The following KALRN variants were observed in gnomAD, a reference collection of about 807,000 sequenced individuals.
KALRN encodes the protein kalirin RhoGEF kinase.
In KALRN, 70 loss-of-function variants were observed where a neutral mutation model predicts 353.7. The ratio of observed to expected loss-of-function variants is 0.20; its 90% confidence interval spans 0.16 to 0.24. The LOEUF (loss-of-function observed/expected upper bound fraction) is 0.24, where lower values mean the gene tolerates loss of function less well. KALRN is among the 10% of genes least tolerant of loss of function. The probability of loss-of-function intolerance (pLI) is 1.00; values close to 1 mark genes in which losing one functional copy is unlikely to be tolerated. For synonymous variants in KALRN, 1,391 were observed against 1,434.8 expected, an observed-to-expected ratio of 0.97 and a Z score of 0.69; for missense variants, 2,791 against 3,756.7, an observed-to-expected ratio of 0.74 and a Z score of 6.72.
At chr3:124,524,319 C>T (rs1395121342) in intron 33 of KALRN, among the ~76,000 whole-genome samples, 2 of 152,136 alleles carry the variant, frequency 1.3e-5, no homozygotes, top group Non-Finnish European at 2.9e-5. Flanking sequence ...GAGAACTAGT[C>T]TGCGATTCTG....
At chr3:124,248,297 C>T (rs1032824939) in intron 3 of KALRN, among the ~76,000 whole-genome samples, 2 of 152,228 alleles carry the variant, frequency 1.3e-5, no homozygotes, top group African/African-American at 4.8e-5. Flanking sequence ...ATCTCTATTT[C>T]AGACATGAAG....
chr3:124,521,210 G>A (rs112015881), intron 33 of KALRN, among the ~76,000 whole-genome samples: 1 of 152,336 alleles, frequency 6.6e-6, no homozygotes, highest in Non-Finnish European at 1.5e-5. Flanking sequence ...TTTTCATAGG[G>A]ATTTGTTTAC....
chr3:124,048,648 A>C (rs1234500055), intron 1 of KALRN, among the ~76,000 whole-genome samples: 1 of 151,494 alleles, frequency 6.6e-6, no homozygotes, highest in Non-Finnish European at 1.5e-5. Flanking sequence ...CGCCCAGCTA[A>C]TTTTTTTTGT....
At chr3:124,105,159 A>C (rs1188762761) in intron 1 of KALRN, among the ~76,000 whole-genome samples, 1 of 152,212 alleles carries the variant, frequency 6.6e-6, no homozygotes, top group Non-Finnish European at 1.5e-5. Flanking sequence ...ATGTCAGAGA[A>C]AGCAACAGGG....
intron 1 of KALRN, among the ~76,000 whole-genome samples, chr3:124,050,577 A>G (rs1323857052): frequency 6.6e-6 from 1 of 152,062 alleles, no homozygotes; most frequent in Non-Finnish European, 1.5e-5. Flanking sequence ...TGTTCCCTGA[A>G]CTCTGGTTGA....
chr3:124,075,585 G>C (rs2060220345), intron 1 of KALRN, among the ~76,000 whole-genome samples: 1 of 152,114 alleles, frequency 6.6e-6, no homozygotes, highest in Admixed American at 6.5e-5. Flanking sequence ...CAGGTTCTCT[G>C]TGAAATCTCT....
intron 1 of KALRN, chr3:124,080,172 T>C (rs1310568449): frequency 5.1e-6 from 2 of 394,924 alleles, no homozygotes; most frequent in Admixed American, 2.6e-5. Context: ...TAGCTTTCTG[T>C]AGCCTTTCCA....
chr3:124,477,838 GA>G lies in KALRN; in HGVS notation c.4191+514del, dbSNP rs149311845. On this transcript the variant is annotated intron_variant, in intron 27 of 59. Transcript: ENST00000682506. ...AATGCAATTGATTCAACCTTTTTTG[GA>G]AAAAAAAAACTGATATCTGAATCCC... Among the ~76,000 whole-genome samples, 19 of 149,236 alleles carry G rather than the reference GA, an allele frequency of 1.3e-4. No individual in the cohort carries two copies. In the East Asian group the frequency reaches 1.9e-3, roughly 15 times the overall value.
chr3:124,133,471 G>C (rs2065551344), intron 1 of KALRN, among the ~76,000 whole-genome samples: 1 of 152,204 alleles, frequency 6.6e-6, no homozygotes, highest in South Asian at 2.1e-4. Context: ...TAAGCACAGA[G>C]CCCCGGAGGT....
chr3:124,202,161 A>G (rs1363227485), intron 1 of KALRN, among the ~76,000 whole-genome samples: 1 of 152,258 alleles, frequency 6.6e-6, no homozygotes, highest in Non-Finnish European at 1.5e-5. Flanking sequence ...AGTGATTTGG[A>G]AATTTTACAT....
At chr3:124,465,559 T>C (rs865801477) in intron 25 of KALRN, among the ~76,000 whole-genome samples, 1 of 152,172 alleles carries the variant, frequency 6.6e-6, no homozygotes, top group African/African-American at 2.4e-5. Flanking sequence ...ATAACTTAAT[T>C]TCTACATGAA....
At chr3:124,274,316 G>A (rs939113940) in intron 5 of KALRN, among the ~76,000 whole-genome samples, 1 of 152,186 alleles carries the variant, frequency 6.6e-6, no homozygotes. Flanking sequence ...AGAAAATATC[G>A]AAACTCCCAT....
chr3:124,518,787 C>T (rs2066912301), intron 33 of KALRN: 1 of 1,254,904 alleles, frequency 8.0e-7, no homozygotes, highest in African/African-American at 1.5e-5. Flanking sequence ...CTCAGAACAG[C>T]AGGTACGCCC....
At chr3:124,279,610 GTAT>G (rs2075139030) in intron 5 of KALRN, among the ~76,000 whole-genome samples, 2 of 152,210 alleles carry the variant, frequency 1.3e-5, no homozygotes, top group Non-Finnish European at 2.9e-5. Flanking sequence ...TCATCAGTGG[GTAT>G]TAGACACAAG....
chr3:124,619,126 C>CTT (rs11455473), intron 34 of KALRN, among the ~76,000 whole-genome samples: 114 of 146,776 alleles, frequency 7.8e-4, no homozygotes, highest in Admixed American at 1.4e-3. Flanking sequence ...GTATATTTGA[C>CTT]TTTTTTTTTT....
rs144682399 is a variant in KALRN at position 124,699,953 on chromosome 3, A to G, written c.7916A>G (p.Gln2639Arg). The G allele has an allele frequency of 6.2e-7, 1 of 1,614,170 alleles. No homozygotes were observed. The highest frequency in any genetic ancestry group is 2.2e-5 in the East Asian group (1 of 44,884). The part of the protein sequence containing the change: ...IEDLSPGCPY[Q>R]FRVSASNPWG... ...GACCTTAGTCCCGGGTGTCCTTATC[A>G]GTTCAGAGTCAGTGCCAGTAACCCC... The change falls in exon 56 of 60, where the codon CAG (glutamine) becomes CGG (arginine). Residue 2639 changes from glutamine to arginine, a missense_variant. By Grantham distance (43) the Gln-to-Arg change is conservative. Around this residue, in one of 11 missense-constraint regions of KALRN, gnomAD observed 1,065 missense variants for 1,156.4 expected, o/e 0.92. Transcript: ENST00000682506.
chr3:124,198,357 A>G (rs146793271), intron 1 of KALRN, among the ~76,000 whole-genome samples: 1 of 152,376 alleles, frequency 6.6e-6, no homozygotes, highest in East Asian at 1.9e-4. Context: ...AATTGGGATA[A>G]TAGCAACTTA....
At chr3:124,418,046 G>A (rs186866539) in intron 14 of KALRN, among the ~76,000 whole-genome samples, 1 of 152,258 alleles carries the variant, frequency 6.6e-6, no homozygotes, top group African/African-American at 2.4e-5. Flanking sequence ...TGAATTAATC[G>A]AGAATGAACA....
chr3:124,319,280 A>G (rs1300375901), intron 6 of KALRN, among the ~76,000 whole-genome samples: 1 of 151,934 alleles, frequency 6.6e-6, no homozygotes, highest in Non-Finnish European at 1.5e-5. Flanking sequence ...AGCCTCAGCA[A>G]CATAGCTAGA....
Sources: gnomAD v4.1 joint callset for allele counts (sites outside exome capture counted in the v4.1 genomes callset) on GRCh38, gnomAD v4.1.1 for gene constraint, gnomAD v4.1.1 regional missense constraint, MANE v1.5 for transcripts, NCBI Gene and HGNC (gene_info 2026-07-23, HGNC 2026-07-21) for gene names.